The following KCNIP4 variants were observed in gnomAD, a reference collection of about 807,000 sequenced individuals.
KCNIP4 encodes potassium voltage-gated channel interacting protein 4.
In KCNIP4, 12 loss-of-function variants were observed where a neutral mutation model predicts 34.0. The observed-to-expected ratio is 0.35, with a 90% CI of 0.23 to 0.57. The LOEUF (loss-of-function observed/expected upper bound fraction) is 0.57. Ranked by LOEUF, KCNIP4 falls within the 20% of genes least tolerant of loss-of-function variation. The probability of loss-of-function intolerance (pLI) is 0.83; values close to 1 mark genes in which losing one functional copy is unlikely to be tolerated. For synonymous variants in KCNIP4, 124 were observed against 102.2 expected (o/e 1.21, Z -1.29); for missense variants, 238 against 311.7 (o/e 0.76, Z 1.78).
intron 1 of KCNIP4, among the ~76,000 whole-genome samples, chr4:20,950,187 G>C (rs1732636061): frequency 6.7e-6 from 1 of 149,610 alleles, no homozygotes; most frequent in Non-Finnish European, 1.5e-5. Context: ...GAGAATACAT[G>C]CCTTCCTTAC....
chr4:21,553,230 G>A (rs1227238404), intron 1 of KCNIP4, among the ~76,000 whole-genome samples: 2 of 152,090 alleles, frequency 1.3e-5, no homozygotes, highest in Non-Finnish European at 2.9e-5. Context: ...GATCAGAAAC[G>A]TTCAAGTGAA....
chr4:21,783,521 T>G (rs1719705589), intron 1 of KCNIP4, among the ~76,000 whole-genome samples: 1 of 152,154 alleles, frequency 6.6e-6, no homozygotes, highest in Admixed American at 6.6e-5. Context: ...GAAAAATTAT[T>G]ATAAAACTGA....
intron 1 of KCNIP4, among the ~76,000 whole-genome samples, chr4:21,543,271 A>C (rs1476245639): frequency 6.6e-6 from 1 of 152,082 alleles, no homozygotes; most frequent in African/African-American, 2.4e-5. Flanking sequence ...ACAGATCTAT[A>C]AGGCAGCTAT....
At chr4:21,397,896 T>C (rs556961768) in intron 1 of KCNIP4, among the ~76,000 whole-genome samples, 14 of 152,270 alleles carry the variant, frequency 9.2e-5, no homozygotes, top group African/African-American at 2.9e-4. Context: ...AAAAATGACA[T>C]GTTATTCTAA....
intron 1 of KCNIP4, among the ~76,000 whole-genome samples, chr4:21,024,004 A>C (rs1459855719): frequency 6.6e-6 from 1 of 152,176 alleles, no homozygotes; most frequent in Admixed American, 6.5e-5. Context: ...ACCCTCATAC[A>C]CTGTGGGTGA....
At chr4:21,596,354 C>T (rs1742642108) in intron 1 of KCNIP4, among the ~76,000 whole-genome samples, 1 of 152,080 alleles carries the variant, frequency 6.6e-6, no homozygotes, top group African/African-American at 2.4e-5. Context: ...CGAATAAACA[C>T]ATTTATATAT....
At chr4:21,823,517 A>AT (rs1722495498) in intron 1 of KCNIP4, among the ~76,000 whole-genome samples, 1 of 130,342 alleles carries the variant, frequency 7.7e-6, no homozygotes, top group Non-Finnish European at 1.7e-5. Context: ...TTAAAAAAAA[A>AT]AACAAAAAAA....
intron 1 of KCNIP4, among the ~76,000 whole-genome samples, chr4:21,741,321 C>T (rs1166983531): frequency 1.3e-5 from 2 of 152,118 alleles, no homozygotes; most frequent in East Asian, 3.9e-4. Context: ...AGTAGGTCTG[C>T]AGGGAACTCA....
At chr4:21,823,921 T>C (rs1384186464) in intron 1 of KCNIP4, among the ~76,000 whole-genome samples, 1 of 152,178 alleles carries the variant, frequency 6.6e-6, no homozygotes, top group Admixed American at 6.5e-5. Context: ...GGAATGCATA[T>C]CTATACCTCT....
chr4:20,885,061 G>A (rs1725142733), intron 1 of KCNIP4, among the ~76,000 whole-genome samples: 1 of 152,014 alleles, frequency 6.6e-6, no homozygotes, highest in African/African-American at 2.4e-5. Flanking sequence ...TCCCTCTTGT[G>A]TCTCCAACTT....
chr4:21,220,424 G>A (rs759315398), intron 1 of KCNIP4, among the ~76,000 whole-genome samples: 49 of 152,234 alleles, frequency 3.2e-4, no homozygotes, highest in Middle Eastern at 3.4e-3. Context: ...TCAGGAGACG[G>A]GGGAGGGATA....
chr4:21,304,044 A>AGT (rs1712080103), intron 1 of KCNIP4: 2 of 534,496 alleles, frequency 3.7e-6, no homozygotes, highest in African/African-American at 8.7e-5. Flanking sequence ...AGAGAGAGAG[A>AGT]GAGAGAGAGA....
intron 1 of KCNIP4, among the ~76,000 whole-genome samples, chr4:20,889,107 A>C (rs1725632717): frequency 6.6e-6 from 1 of 152,138 alleles, no homozygotes; most frequent in African/African-American, 2.4e-5. Context: ...AGGATAGAGA[A>C]ACATTTTAGA....
chr4:20,856,991 G>A (rs1225760390), intron 2 of KCNIP4, among the ~76,000 whole-genome samples: 2 of 151,334 alleles, frequency 1.3e-5, no homozygotes, highest in Non-Finnish European at 2.9e-5. Flanking sequence ...ACACAGGGCT[G>A]GAGGATCAGT....
chr4:21,608,292 G>A (rs1031698464), intron 1 of KCNIP4, among the ~76,000 whole-genome samples: 4 of 152,146 alleles, frequency 2.6e-5, no homozygotes, highest in Admixed American at 6.5e-5. Context: ...CTGATATAAA[G>A]GTGTCTGCGG....
intron 1 of KCNIP4, among the ~76,000 whole-genome samples, chr4:21,943,785 G>A (rs2109022406): frequency 6.6e-6 from 1 of 152,210 alleles, no homozygotes. Flanking sequence ...GGGAGAAGCA[G>A]TTAGTGCAAA....
At chr4:21,432,775 C>T (rs186356020) in intron 1 of KCNIP4, among the ~76,000 whole-genome samples, 9 of 152,110 alleles carry the variant, frequency 5.9e-5, no homozygotes, top group Non-Finnish European at 1.0e-4. Context: ...ATAAAAAACA[C>T]CAAGATCAAA....
chr4:21,061,996 T>C (rs1256355396), intron 1 of KCNIP4, among the ~76,000 whole-genome samples: 1 of 152,204 alleles, frequency 6.6e-6, no homozygotes, highest in Admixed American at 6.6e-5. Context: ...GTTCACATCT[T>C]GATCTTTGAC....
intron 1 of KCNIP4, among the ~76,000 whole-genome samples, chr4:21,359,351 G>A (rs1186261221): frequency 2.0e-5 from 3 of 152,010 alleles, no homozygotes; most frequent in Non-Finnish European, 4.4e-5. Flanking sequence ...ATAGCAGATT[G>A]TGGAACTTCT....
Sources: gnomAD v4.1 joint callset for allele counts (sites outside exome capture counted in the v4.1 genomes callset) on GRCh38, gnomAD v4.1.1 for gene constraint, MANE v1.5 for transcripts, NCBI Gene and HGNC (gene_info 2026-07-23, HGNC 2026-07-21) for gene names.